The following NSD2 variants were observed in gnomAD, a reference collection of about 807,000 sequenced individuals.
NSD2 encodes nuclear receptor binding SET domain protein 2.
Under a neutral mutation model 139.0 loss-of-function variants are expected in NSD2, and 12 were observed. The ratio of observed to expected loss-of-function variants is 0.09; its 90% CI spans 0.06 to 0.14. The LOEUF (loss-of-function observed/expected upper bound fraction) is 0.14, where lower values mean the gene tolerates loss of function less well. Among genes scored for constraint, NSD2 ranks in the 10% least tolerant of loss-of-function variants. The probability of loss-of-function intolerance (pLI) is 1.00; values close to 1 mark genes in which losing one functional copy is unlikely to be tolerated. For missense variants in NSD2, 1,155 were observed against 1,745.0 expected, an observed-to-expected ratio of 0.66 and a Z score of 6.02; for synonymous variants, 669 against 648.7, an observed-to-expected ratio of 1.03 and a Z score of -0.48.
At chr4:1,970,974 G>A (rs1560799012) in intron 18 of NSD2, among the ~76,000 whole-genome samples, 1 of 152,224 alleles carries the variant, frequency 6.6e-6, no homozygotes, top group African/African-American at 2.4e-5. Context: ...AAATGGGCTC[G>A]CTTACTTTTT....
At chr4:1,905,976 G>A (rs1325134912) in intron 3 of NSD2, among the ~76,000 whole-genome samples, 1 of 152,190 alleles carries the variant, frequency 6.6e-6, no homozygotes, top group African/African-American at 2.4e-5. Flanking sequence ...CAGCCCGGGT[G>A]CAGGCACACA....
chr4:1,919,765 C>T (rs900620976), intron 5 of NSD2, among the ~76,000 whole-genome samples: 1 of 151,974 alleles, frequency 6.6e-6, no homozygotes, highest in African/African-American at 2.4e-5. Context: ...AACCCCGTCT[C>T]TACTAAAAAT....
rs746720577 is a variant in NSD2 at position 1,935,203 on chromosome 4, G to A, written c.1615G>A (p.Ala539Thr). The A allele has an allele frequency of 4.3e-6, 7 of 1,613,574 alleles. No homozygotes were observed. In the Admixed American group the frequency reaches 5.0e-5, roughly 12 times the overall value. The change falls in exon 7 of 22, where the codon GCT becomes ACT. Residue 539 changes from alanine (A) to threonine (T), a missense_variant. Coordinates refer to ENST00000508803, the MANE Select transcript of NSD2 (RefSeq NM_001042424.3). ...GAGGATACAGGACCCTACAGAAGAT[G>A]CTGAAGCTGAGGACACACCCAGGAA... ...TKRIQDPTED[A>T]EAEDTPRKRL... is the part of the protein sequence containing the mutation.
At chr4:1,889,186 C>T (rs1400389578) in intron 1 of NSD2, among the ~76,000 whole-genome samples, 1 of 152,210 alleles carries the variant, frequency 6.6e-6, no homozygotes, top group African/African-American at 2.4e-5. Context: ...GCGTGAGCCA[C>T]TGCGCCCAGT....
At chr4:1,881,429 A>AT (rs1267416205) in intron 1 of NSD2, among the ~76,000 whole-genome samples, 2 of 151,918 alleles carry the variant, frequency 1.3e-5, no homozygotes, top group Non-Finnish European at 2.9e-5. Context: ...CGCCCGGTTG[A>AT]TTTTTTTGTA....
At chr4:1,877,859 C>A (rs542049981) in intron 1 of NSD2, among the ~76,000 whole-genome samples, 14 of 152,140 alleles carry the variant, frequency 9.2e-5, no homozygotes, top group African/African-American at 2.9e-4. Context: ...TCTCTGACCA[C>A]TGATTTAAAG....
chr4:1,871,937 C>A (rs1713809245), intron 1 of NSD2, among the ~76,000 whole-genome samples: 1 of 147,850 alleles, frequency 6.8e-6, no homozygotes, highest in South Asian at 2.1e-4. Flanking sequence ...GTGCCCGGCC[C>A]GGCCGAGGCG....
Position 1,904,244 on chromosome 4 carries a change from A to ACTCTT in NSD2, c.627_628insTCTTC (p.Thr210SerfsTer11). The ACTCTT allele has an allele frequency of 6.2e-7, 1 of 1,613,844 alleles. No homozygotes were observed. Among genetic ancestry groups the ACTCTT allele is most frequent in the South Asian group, 1.1e-5 (1 of 91,026 alleles). On this transcript the variant is annotated frameshift_variant, in exon 3 of 22. Coordinates refer to ENST00000508803, the MANE Select transcript of NSD2 (RefSeq NM_001042424.3). LOFTEE classifies it high-confidence loss of function. The stretch of plus-strand genomic sequence containing the variant: ...CCAGCTAAGAAAGAGTCTTGTCCAA[A>ACTCTT]CACTGGAAGAGACAAAGACCACCTG...
intron 3 of NSD2, among the ~76,000 whole-genome samples, chr4:1,905,368 G>A (rs1377126843): frequency 2.6e-5 from 4 of 152,226 alleles, no homozygotes; most frequent in Non-Finnish European, 5.9e-5. Flanking sequence ...TGGAAGTGTG[G>A]CGTCTAGAGT....
chr4:1,947,399 G>A, intron 9 of NSD2: 11 of 1,060,522 alleles, frequency 1.0e-5, no homozygotes, highest in Non-Finnish European at 1.1e-5. Flanking sequence ...GACGACTGTG[G>A]TGTGCAGTGG....
At position 1,952,339 on chromosome 4, in the gene NSD2, C is replaced by A. The variant is rs984915975; in HGVS notation, c.2137+108C>A. On this transcript the variant is annotated intron_variant, in intron 11 of 21. Coordinates refer to ENST00000508803, the MANE Select transcript of NSD2 (RefSeq NM_001042424.3). ...TGCCTGCAGAGGACAAGCCCCCTCC[C>A]CACCCCCACCGCCTGGCCCTCTCTG... 12 of 1,496,794 alleles carry A rather than the reference C, an allele frequency of 8.0e-6. No homozygotes were observed. The East Asian group carries it at 2.5e-4, about 32-fold the overall frequency. 92.7% of individuals were successfully genotyped at this position (1,496,794 alleles called of 1,614,324 possible).
At chr4:1,872,591 T>TGTGTGTGTGA (rs1281608141) in intron 1 of NSD2, among the ~76,000 whole-genome samples, 14 of 44,892 alleles carry the variant, frequency 3.1e-4, no homozygotes, top group East Asian at 2.5e-3. Flanking sequence ...TGTGTGTGTG[T>TGTGTGTGTGA]GAGAGAGAGA....
At position 1,895,781 on chromosome 4, in the gene NSD2, G is replaced by C. The variant is rs533699297; in HGVS notation, c.-29-4845G>C. On this transcript the variant is annotated intron_variant, in intron 1 of 21. Coordinates refer to ENST00000508803, the MANE Select transcript of NSD2 (RefSeq NM_001042424.3). ...GTGTCACTCATTCTAGACCTGTTTT[G>C]ACATTTTTTGGTCTCCGGATTTAGC... is the stretch of plus-strand genomic sequence containing the variant. Among the ~76,000 whole-genome samples the C allele has an allele frequency of 4.6e-5, 7 of 152,270 alleles. No homozygotes were observed. The South Asian group carries it at 1.2e-3, about 27-fold the overall frequency.
In NSD2 at chr4:1,882,292, G is replaced by A. The variant is rs112465621; in HGVS notation, c.-30+10750G>A. ...TGACACGTAACTTCTGAGTGGAAGC[G>A]CTGAGACACGTGCTTTATCGTGTTC... On this transcript the variant is annotated intron_variant, in intron 1 of 21. Coordinates refer to ENST00000508803, the MANE Select transcript of NSD2 (RefSeq NM_001042424.3). 2.0e-3 allele frequency among the ~76,000 whole-genome samples: 299 copies of A among 152,282 alleles called. 1 individual carries two copies. The highest frequency in any genetic ancestry group is 6.9e-3 in the African/African-American group (286 of 41,558).
intron 9 of NSD2, chr4:1,946,037 G>T (rs926959044): frequency 9.7e-7 from 1 of 1,036,108 alleles, no homozygotes; most frequent in Non-Finnish European, 1.2e-6. Context: ...AACATTTTAT[G>T]CTTTTAAAAT....
chr4:1,925,389 CTTTTTTTTTTTTTT>C (rs34335852), intron 5 of NSD2, among the ~76,000 whole-genome samples: 11 of 38,008 alleles, frequency 2.9e-4, no homozygotes, highest in African/African-American at 1.1e-3. Context: ...CTTTTTCTTT[CTTTTTTTTTTTTTT>C]TTTTTTTTTT....
In NSD2 at chr4:1,955,134, C is replaced by A; in HGVS notation, c.2339-27C>A. On this transcript the variant is annotated intron_variant, in intron 12 of 21. Coordinates refer to ENST00000508803, the MANE Select transcript of NSD2 (RefSeq NM_001042424.3). The surrounding 1 kb of genome is among the most constrained non-coding windows in gnomAD (Gnocchi z 4.7). ...TATGACTGGAGTCAGTGTTTGGGGT[C>A]CTTAGGGTGTGTTTCTTTGCCTTCA... 1.3e-6 allele frequency: 2 copies of A among 1,585,070 alleles called. No individual in the cohort carries two copies. The highest frequency in any genetic ancestry group is 1.7e-6 in the Non-Finnish European group (2 of 1,156,734).
intron 1 of NSD2, among the ~76,000 whole-genome samples, chr4:1,895,846 T>C (rs967597394): frequency 6.6e-6 from 1 of 152,168 alleles, no homozygotes; most frequent in Non-Finnish European, 1.5e-5. Context: ...TTCTCAAGGG[T>C]GGCTCTGTCA....
chr4:1,968,223 AT>A (rs1035762410), intron 18 of NSD2, among the ~76,000 whole-genome samples: 4 of 152,230 alleles, frequency 2.6e-5, no homozygotes, highest in Non-Finnish European at 4.4e-5. Context: ...CAGAAGTTAA[AT>A]GTGAGATCCA....
Sources: gnomAD v4.1 joint callset for allele counts (sites outside exome capture counted in the v4.1 genomes callset) on GRCh38, gnomAD v4.1.1 for gene constraint, Gnocchi (gnomAD v3.1) non-coding constraint, MANE v1.5 for transcripts, NCBI Gene and HGNC (gene_info 2026-07-23, HGNC 2026-07-21) for gene names.